The following IQCJ variants were observed in gnomAD, a reference collection of about 807,000 sequenced individuals.
The protein encoded by IQCJ is IQ domain-containing protein J.
In IQCJ, 9 loss-of-function variants were observed where a neutral mutation model predicts 11.0. The observed-to-expected ratio is 0.82, with a 90% CI of 0.49 to 1.43. The LOEUF is 1.43. Among genes scored for constraint, IQCJ ranks in the 40% most tolerant of loss-of-function variants. IQCJ has a pLI of 0.00. For synonymous variants in IQCJ, 55 were observed against 51.3 expected (o/e 1.07, Z -0.31); for missense variants, 146 against 133.2 (o/e 1.10, Z -0.47).
intron 3 of IQCJ, among the ~76,000 whole-genome samples, chr3:159,253,433 C>A (rs999995736): frequency 2.0e-5 from 3 of 152,022 alleles, no homozygotes; most frequent in African/African-American, 2.4e-5. Flanking sequence ...AAAATATTAA[C>A]CTTCTAAAAC....
chr3:159,159,822 A>ACTCT (rs564486416), intron 1 of IQCJ, among the ~76,000 whole-genome samples: 5 of 149,784 alleles, frequency 3.3e-5, no homozygotes, highest in African/African-American at 1.2e-4. Context: ...TCTCTATATT[A>ACTCT]CTCTCTCTCT....
At chr3:159,189,683 G>A (rs1396054246) in intron 1 of IQCJ, among the ~76,000 whole-genome samples, 6 of 152,292 alleles carry the variant, frequency 3.9e-5, no homozygotes, top group Non-Finnish European at 4.4e-5. Flanking sequence ...TTTGCCAAGA[G>A]TAGGAATTTT....
intron 1 of IQCJ, among the ~76,000 whole-genome samples, chr3:159,077,223 C>T (rs1365993330): frequency 6.6e-6 from 1 of 152,084 alleles, no homozygotes; most frequent in Non-Finnish European, 1.5e-5. Context: ...TTGGCAAAGG[C>T]GGGGCTCTCA....
chr3:159,102,485 A>G (rs1230642572), intron 1 of IQCJ, among the ~76,000 whole-genome samples: 4 of 152,172 alleles, frequency 2.6e-5, no homozygotes, highest in Non-Finnish European at 4.4e-5. Flanking sequence ...TTAGGCTTCT[A>G]TTTAGGCTCT....
At chr3:159,103,047 A>G (rs1015942563) in intron 1 of IQCJ, among the ~76,000 whole-genome samples, 1 of 152,212 alleles carries the variant, frequency 6.6e-6, no homozygotes, top group Non-Finnish European at 1.5e-5. Context: ...ACTAGCCTCT[A>G]GCACTAGGCT....
intron 1 of IQCJ, among the ~76,000 whole-genome samples, chr3:159,183,997 G>T (rs1011407843): frequency 6.6e-6 from 1 of 150,998 alleles, no homozygotes; most frequent in East Asian, 1.9e-4. Context: ...AGTTGCCCAC[G>T]CAGCAGCCAG....
chr3:159,167,957 TG>T (rs1374644372), intron 1 of IQCJ, among the ~76,000 whole-genome samples: 3 of 152,074 alleles, frequency 2.0e-5, no homozygotes, highest in Admixed American at 6.6e-5. Flanking sequence ...ACCACCTAGA[TG>T]GGCCCGCAGA....
At chr3:159,257,086 T>G (rs1727938908) in intron 3 of IQCJ, among the ~76,000 whole-genome samples, 2 of 152,198 alleles carry the variant, frequency 1.3e-5, no homozygotes, top group Non-Finnish European at 2.9e-5. Context: ...ATAAAACTTT[T>G]TCTTCTTTGA....
intron 1 of IQCJ, among the ~76,000 whole-genome samples, chr3:159,225,860 T>G (rs1725825036): frequency 6.6e-6 from 1 of 152,236 alleles, no homozygotes; most frequent in South Asian, 2.1e-4. Flanking sequence ...CCATCTATAC[T>G]TCTGCCTGAC....
At chr3:159,148,311 A>G (rs12630771) in intron 1 of IQCJ, among the ~76,000 whole-genome samples, 4,612 of 152,072 alleles carry the variant, frequency 0.03, 309 homozygotes, top group East Asian at 0.25. Flanking sequence ...TTTCTGCCCT[A>G]TTTTCCCTTT....
At chr3:159,137,249 G>A (rs575573748) in intron 1 of IQCJ, among the ~76,000 whole-genome samples, 2 of 149,002 alleles carry the variant, frequency 1.3e-5, no homozygotes, top group South Asian at 2.1e-4. Context: ...GCAACAGAGT[G>A]AGACTCCATC....
intron 1 of IQCJ, among the ~76,000 whole-genome samples, chr3:159,102,907 T>C (rs1009254615): frequency 6.6e-6 from 1 of 152,244 alleles, no homozygotes; most frequent in Non-Finnish European, 1.5e-5. Flanking sequence ...ATTCTTGATA[T>C]GATCATCCTG....
intron 1 of IQCJ, among the ~76,000 whole-genome samples, chr3:159,090,247 A>AGGGGTCC (rs1237154605): frequency 7.9e-5 from 12 of 151,770 alleles, no homozygotes; most frequent in African/African-American, 2.9e-4. Flanking sequence ...GTCAGGGGTC[A>AGGGGTCC]GGGGTCAGGG....
At chr3:159,178,902 T>C (rs1360384222) in intron 1 of IQCJ, among the ~76,000 whole-genome samples, 1 of 151,846 alleles carries the variant, frequency 6.6e-6, no homozygotes, top group East Asian at 1.9e-4. Flanking sequence ...CCCTGCACGA[T>C]GATGCCTCAT....
chr3:159,078,516 G>A (rs2108053378), intron 1 of IQCJ, among the ~76,000 whole-genome samples: 1 of 151,150 alleles, frequency 6.6e-6, no homozygotes, highest in East Asian at 2.0e-4. Flanking sequence ...AACACAGAAG[G>A]ACTCTTGGCT....
At chr3:159,118,176 A>G (rs1719140556) in intron 1 of IQCJ, among the ~76,000 whole-genome samples, 1 of 152,180 alleles carries the variant, frequency 6.6e-6, no homozygotes, top group Admixed American at 6.5e-5. Context: ...CTAAACTCAA[A>G]TGATGTAGGT....
At position 159,245,887 on chromosome 3, in the gene IQCJ, TG is replaced by T; in HGVS notation, c.56del (p.Gly19GlufsTer32). ...AGAATCCTCTAGAACAAGTTAATGA[TG>T]GAAAATATTCATTTGAAAAGTAAGT... Reference protein sequence around the residue: ...LQNPLEQVNDGKYSFENHQLA... With the variant: ...LQNPLEQVNDXKYSFENHQLA... On this transcript the variant is annotated frameshift_variant, in exon 2 of 4. Transcript: ENST00000397832. LOFTEE classifies it high-confidence loss of function. The T allele has an allele frequency of 6.5e-7, 1 of 1,543,324 alleles. No homozygotes were observed. The highest frequency in any genetic ancestry group is 8.8e-7 in the Non-Finnish European group (1 of 1,139,012).
intron 1 of IQCJ, among the ~76,000 whole-genome samples, chr3:159,163,326 A>T (rs1010171029): frequency 6.6e-6 from 1 of 152,228 alleles, no homozygotes; most frequent in African/African-American, 2.4e-5. Flanking sequence ...CAAAAACCAC[A>T]TGACTATCTC....
At chr3:159,091,674 G>GCA (rs1170628138) in intron 1 of IQCJ, among the ~76,000 whole-genome samples, 9,047 of 80,966 alleles carry the variant, frequency 0.11, 364 homozygotes, top group East Asian at 0.15. Context: ...ACACACGCAT[G>GCA]CACACACACA....
Sources: gnomAD v4.1 joint callset for allele counts (sites outside exome capture counted in the v4.1 genomes callset) on GRCh38, gnomAD v4.1.1 for gene constraint, MANE v1.5 for transcripts, NCBI Gene and HGNC (gene_info 2026-07-23, HGNC 2026-07-21) for gene names.